The following KATNIP variants were observed in gnomAD, a reference collection of about 807,000 sequenced individuals.
The protein encoded by KATNIP is katanin-interacting protein.
A neutral mutation model predicts 174.0 loss-of-function variants in KATNIP; 126 were observed. That is an observed-to-expected ratio of 0.72 (90% CI 0.63 to 0.84). The LOEUF is 0.84. Ranked by LOEUF, KATNIP falls within the 40% of genes least tolerant of loss-of-function variation. KATNIP has a pLI of 0.00. For missense variants in KATNIP, 1,958 were observed against 2,109.7 expected, an observed-to-expected ratio of 0.93 and a Z score of 1.41; for synonymous variants, 810 against 835.7, an observed-to-expected ratio of 0.97 and a Z score of 0.53.
intron 13 of KATNIP, 46 bp downstream of exon 13, chr16:27,708,966 T>C (rs767288108): frequency 1.4e-6 from 2 of 1,458,206 alleles, no homozygotes; most frequent in South Asian, 1.2e-5. Flanking sequence ...TGTATTCCCA[T>C]GCATTTTCTC....
chr16:27,563,451 G>C (rs1428393692), intron 1 of KATNIP, among the ~76,000 whole-genome samples: 1 of 152,140 alleles, frequency 6.6e-6, no homozygotes, highest in Admixed American at 6.6e-5. Context: ...CTGGGAGGTC[G>C]AGGCTGCAGT....
At chr16:27,778,048 C>A in intron 27 of KATNIP, 79 bp downstream of exon 27, 1 of 1,306,802 alleles carries the variant, frequency 7.7e-7, no homozygotes, top group Non-Finnish European at 1.1e-6. Flanking sequence ...GGCCTTGCAC[C>A]CCCACCCTCA....
intron 11 of KATNIP, among the ~76,000 whole-genome samples, chr16:27,703,121 T>C (rs1317302802): frequency 1.3e-5 from 2 of 151,466 alleles, no homozygotes; most frequent in African/African-American, 4.9e-5. Context: ...GAGCCGAGAC[T>C]GTGCCATTGC....
intron 2 of KATNIP, among the ~76,000 whole-genome samples, chr16:27,617,383 T>C (rs868714646): frequency 1.3e-5 from 2 of 152,192 alleles, no homozygotes; most frequent in Non-Finnish European, 2.9e-5. Context: ...AGAGAGCAGC[T>C]CTTTTTCCAA....
intron 19 of KATNIP, among the ~76,000 whole-genome samples, chr16:27,762,768 C>A (rs1161351215): frequency 6.6e-6 from 1 of 152,156 alleles, no homozygotes; most frequent in African/African-American, 2.4e-5. Flanking sequence ...GCCCCTCTGA[C>A]CACCCCCAAC....
At chr16:27,685,668 G>A (rs2078495837) in intron 8 of KATNIP, among the ~76,000 whole-genome samples, 1 of 152,212 alleles carries the variant, frequency 6.6e-6, no homozygotes, top group Non-Finnish European at 1.5e-5. Flanking sequence ...ATTTGAGGTA[G>A]TGGAATTCTT....
intron 6 of KATNIP, among the ~76,000 whole-genome samples, chr16:27,660,185 T>C (rs1347913482): frequency 6.6e-6 from 1 of 152,160 alleles, no homozygotes; most frequent in African/African-American, 2.4e-5. Context: ...ATTAAATATC[T>C]CCTGCACCTG....
intron 1 of KATNIP, among the ~76,000 whole-genome samples, chr16:27,552,340 T>C (rs1187314446): frequency 6.6e-6 from 1 of 151,872 alleles, no homozygotes; most frequent in Non-Finnish European, 1.5e-5. Context: ...TCTCCTTTCA[T>C]ACTATACAAA....
chr16:27,661,611 T>C (rs1052881281), intron 6 of KATNIP, among the ~76,000 whole-genome samples: 2 of 151,836 alleles, frequency 1.3e-5, no homozygotes, highest in African/African-American at 4.8e-5. Flanking sequence ...CAGGCTGGTC[T>C]CGAACTCCTG....
chr16:27,622,234 T>C (rs1230175118), intron 3 of KATNIP, among the ~76,000 whole-genome samples: 1 of 152,064 alleles, frequency 6.6e-6, no homozygotes, highest in Non-Finnish European at 1.5e-5. Context: ...TCCCCAGTAG[T>C]GGCAGGGTGA....
At chr16:27,707,231 A>G (rs1471916666) in intron 12 of KATNIP, among the ~76,000 whole-genome samples, 1 of 152,134 alleles carries the variant, frequency 6.6e-6, no homozygotes, top group African/African-American at 2.4e-5. Context: ...TACCCATGCT[A>G]ATTAACAGAG....
chr16:27,654,157 G>A (rs944833325), intron 6 of KATNIP, among the ~76,000 whole-genome samples: 2 of 152,042 alleles, frequency 1.3e-5, no homozygotes, highest in Non-Finnish European at 2.9e-5. Context: ...TGAATTTTTA[G>A]TAGAGATGGG....
chr16:27,727,846 C>T (rs1251433386), intron 14 of KATNIP: 1 of 152,266 alleles, frequency 6.6e-6, no homozygotes, highest in Non-Finnish European at 1.5e-5. Flanking sequence ...CTATTTCACT[C>T]ATAAATCCTT....
At chr16:27,618,604 C>G in intron 3 of KATNIP, 103 bp downstream of exon 3, 2 of 749,052 alleles carry the variant, frequency 2.7e-6, no homozygotes, top group Non-Finnish European at 4.7e-6. Flanking sequence ...GAATGGGATG[C>G]AGAGTCCCCC....
chr16:27,642,570 C>T (rs117290120), intron 5 of KATNIP, among the ~76,000 whole-genome samples: 1,738 of 152,152 alleles, frequency 0.011, 18 homozygotes, highest in Non-Finnish European at 0.018. Flanking sequence ...TTATATGTTC[C>T]GGGTAGTGCT....
chr16:27,650,328 G>A (rs1403241400), intron 6 of KATNIP, among the ~76,000 whole-genome samples: 1 of 152,224 alleles, frequency 6.6e-6, no homozygotes, highest in Non-Finnish European at 1.5e-5. Flanking sequence ...AAGATTAGGT[G>A]CACTGGGGCA....
At chr16:27,778,357 G>A (rs958678809) in intron 27 of KATNIP, among the ~76,000 whole-genome samples, 1 of 152,224 alleles carries the variant, frequency 6.6e-6, no homozygotes, top group Non-Finnish European at 1.5e-5. Flanking sequence ...TGTGAGGAGT[G>A]TGCCAGGCAG....
chr16:27,712,563 G>GA (rs1194471194), intron 13 of KATNIP, among the ~76,000 whole-genome samples: 3 of 152,202 alleles, frequency 2.0e-5, no homozygotes, highest in Non-Finnish European at 4.4e-5. Flanking sequence ...GTTTGAAAGA[G>GA]AAAATGCTTC....
chr16:27,686,464 T>C (rs2078528148), intron 8 of KATNIP, among the ~76,000 whole-genome samples: 1 of 152,210 alleles, frequency 6.6e-6, no homozygotes, highest in Non-Finnish European at 1.5e-5. Context: ...GTTTCAAACT[T>C]TCTGTATCTT....
Sources: allele counts gnomAD v4.1 joint callset (sites outside exome capture counted in the v4.1 genomes callset), GRCh38; gene constraint gnomAD v4.1.1; transcripts MANE v1.5; gene names NCBI Gene and HGNC (gene_info 2026-07-23, HGNC 2026-07-21).